Variants in SIK3 observed in about 807,000 individuals in gnomAD.
SIK3 encodes the protein serine/threonine-protein kinase SIK3.
A neutral mutation model predicts 144.2 loss-of-function variants in SIK3; 28 were observed. That is an observed-to-expected ratio of 0.19 (90% CI 0.14 to 0.27). SIK3 has a LOEUF of 0.27. SIK3 is among the 10% of genes least tolerant of loss of function. The pLI is 1.00. For missense variants in SIK3, 1,319 were observed against 1,776.0 expected, an observed-to-expected ratio of 0.74 and a Z score of 4.62; for synonymous variants, 686 against 676.3, an observed-to-expected ratio of 1.01 and a Z score of -0.22.
intron 1 of SIK3, among the ~76,000 whole-genome samples, chr11:117,097,628 G>A (rs1463661220): frequency 3.8e-4 from 58 of 151,988 alleles, no homozygotes; most frequent in Non-Finnish European, 1.5e-5. Context: ...AGGATCCTGG[G>A]ACCTCCCAGC....
chr11:116,847,224 G>A (rs1942043479), intron 23 of SIK3, among the ~76,000 whole-genome samples: 1 of 152,184 alleles, frequency 6.6e-6, no homozygotes, highest in South Asian at 2.1e-4. Context: ...AAAAGTGATT[G>A]AAGGCATATC....
At chr11:116,919,175 A>C (rs932614326) in intron 4 of SIK3, among the ~76,000 whole-genome samples, 2 of 152,328 alleles carry the variant, frequency 1.3e-5, no homozygotes, top group Admixed American at 6.5e-5. Flanking sequence ...GTCAGTCAAC[A>C]CACTGTGGAA....
In SIK3 at chr11:116,898,374, T is replaced by C. The variant is rs542244747; in HGVS notation, c.617-1057A>G. On this transcript the variant is annotated intron_variant, in intron 4 of 24. Transcript: ENST00000445177. ...CACATTTTCTTAATCCAGTCTATCA[T>C]TGTTGGACATTTGGGTTGGTTCCAA... is the stretch of plus-strand genomic sequence containing the variant. Among the ~76,000 whole-genome samples the C allele has an allele frequency of 1.4e-4, 21 of 152,116 alleles. 2 individuals are homozygous for C. Among genetic ancestry groups the C allele is most frequent in the African/African-American group, 4.6e-4 (19 of 41,504 alleles).
At chr11:117,076,726 A>G (rs1954558148) in intron 1 of SIK3, among the ~76,000 whole-genome samples, 1 of 152,112 alleles carries the variant, frequency 6.6e-6, no homozygotes, top group African/African-American at 2.4e-5. Flanking sequence ...TATTTTTAGT[A>G]GAGACGGGGT....
At chr11:116,848,122 G>A (rs933993811) in intron 22 of SIK3, among the ~76,000 whole-genome samples, 1 of 152,146 alleles carries the variant, frequency 6.6e-6, no homozygotes, top group East Asian at 1.9e-4. Flanking sequence ...AGACCATCCT[G>A]GCTAACACGG....
intron 4 of SIK3, among the ~76,000 whole-genome samples, chr11:116,906,207 A>G (rs1479673449): frequency 6.6e-6 from 1 of 152,192 alleles, no homozygotes; most frequent in Non-Finnish European, 1.5e-5. Flanking sequence ...AAAACAATTC[A>G]AAAGATGTTC....
chr11:116,847,521 A>G lies in SIK3; in HGVS notation c.3907T>C (p.Ser1303Pro). The G allele has an allele frequency of 6.2e-7, 1 of 1,614,174 alleles. No individual in the cohort carries two copies. The highest frequency in any genetic ancestry group is 1.7e-5 in the Admixed American group (1 of 60,022). Reference protein sequence around the residue: ...ARMSDAVLSQSSLMGSQQFQD... With the variant: ...ARMSDAVLSQPSLMGSQQFQD... ...AACTGCTGGCTGCCCATGAGCGAAG[A>G]CTGACTGAGAACTGCATCCGACATC... The change falls in exon 23 of 25, where the codon TCT (serine) becomes CCT (proline). Residue 1303 changes from serine to proline, a missense_variant. This residue lies in a region of SIK3 where 646 missense variants were observed against 763.7 expected (regional missense o/e 0.85). Transcript: ENST00000445177.
intron 1 of SIK3, among the ~76,000 whole-genome samples, chr11:116,984,050 CAAAAAA>C (rs35403684): frequency 3.1e-4 from 25 of 80,894 alleles, no homozygotes; most frequent in Admixed American, 9.0e-4. Context: ...GACCCTGACT[CAAAAAA>C]AAAAAAAAAA....
intron 3 of SIK3, among the ~76,000 whole-genome samples, chr11:116,947,637 C>T (rs1279099003): frequency 6.6e-6 from 1 of 150,468 alleles, no homozygotes; most frequent in African/African-American, 2.4e-5. Flanking sequence ...ACGATCTCGG[C>T]TCACTGCAAG....
At chr11:117,096,800 T>C (rs951644943) in intron 1 of SIK3, among the ~76,000 whole-genome samples, 1 of 152,030 alleles carries the variant, frequency 6.6e-6, no homozygotes, top group African/African-American at 2.4e-5. Context: ...AAGGCCTAGA[T>C]AAGTCACTGG....
rs550020231 is a variant in SIK3, at chr11:117,045,317, G to C, written c.273+52826C>G. Among the ~76,000 whole-genome samples the C allele has an allele frequency of 1.4e-4, 21 of 152,270 alleles. 1 individual carries two copies. The highest frequency in any genetic ancestry group is 5.1e-4 in the African/African-American group (21 of 41,540). ...TCCACATCAGTTTGTAGTTATTCTT[G>C]TACTACAAGAGTATCAGTTTCAGAA... is the stretch of plus-strand genomic sequence containing the variant. On this transcript the variant is annotated intron_variant, in intron 1 of 24. Transcript: ENST00000445177.
intron 3 of SIK3, among the ~76,000 whole-genome samples, chr11:116,940,397 T>C (rs985773443): frequency 4.6e-5 from 7 of 151,948 alleles, no homozygotes; most frequent in Non-Finnish European, 7.4e-5. Context: ...GCCCAGCTAA[T>C]TTTTGTATTT....
chr11:117,062,406 G>A (rs1385867871), intron 1 of SIK3, among the ~76,000 whole-genome samples: 1 of 152,022 alleles, frequency 6.6e-6, no homozygotes, highest in Non-Finnish European at 1.5e-5. Context: ...GGGCCACAAC[G>A]TGCATTTCCA....
chr11:116,880,371 G>A (rs1376550848), intron 6 of SIK3, among the ~76,000 whole-genome samples: 1 of 151,208 alleles, frequency 6.6e-6, no homozygotes, highest in Non-Finnish European at 1.5e-5. Flanking sequence ...ACTACTCAAC[G>A]ATGTCCTATG....
intron 6 of SIK3, among the ~76,000 whole-genome samples, chr11:116,891,940 T>C (rs1171229653): frequency 2.0e-5 from 3 of 152,200 alleles, no homozygotes; most frequent in Non-Finnish European, 2.9e-5. Context: ...AGAGGAAACA[T>C]CAAGGCTTGT....
intron 1 of SIK3, among the ~76,000 whole-genome samples, chr11:117,074,953 T>C (rs1954445307): frequency 6.6e-6 from 1 of 150,888 alleles, no homozygotes; most frequent in Non-Finnish European, 1.5e-5. Context: ...ACAACTCAAA[T>C]GAAATATCTA....
intron 1 of SIK3, among the ~76,000 whole-genome samples, chr11:116,986,367 C>T (rs181466094): frequency 6.6e-6 from 1 of 152,254 alleles, no homozygotes; most frequent in Non-Finnish European, 1.5e-5. Flanking sequence ...GATAACTAGT[C>T]ATTATTAGCT....
intron 1 of SIK3, among the ~76,000 whole-genome samples, chr11:116,981,222 CA>C (rs1344336326): frequency 1.3e-5 from 2 of 152,202 alleles, no homozygotes; most frequent in East Asian, 3.8e-4. Flanking sequence ...TCACCCAGGG[CA>C]GCTTGATAGA....
At position 116,849,105 on chromosome 11, in the gene SIK3, G is replaced by T. The variant is rs1942223412; in HGVS notation, c.3819+15C>A. On this transcript the variant is annotated intron_variant, in intron 22 of 24. Transcript: ENST00000445177. This position sits in a 1 kb window ranked among gnomAD's most constrained non-coding sequence, Gnocchi z 4.2. ...GGGAGGATCCACCTCTGTGCAGCAG[G>T]TGGGACCAACATACATAAGCATCGT... 3 of 1,570,976 alleles carry T rather than the reference G, an allele frequency of 1.9e-6. No individual in the cohort carries two copies. The highest frequency in any genetic ancestry group is 1.2e-5 in the South Asian group (1 of 84,216).
Sources: gnomAD v4.1 joint callset for allele counts (sites outside exome capture counted in the v4.1 genomes callset) on GRCh38, gnomAD v4.1.1 for gene constraint, gnomAD v4.1.1 regional missense constraint, Gnocchi (gnomAD v3.1) non-coding constraint, MANE v1.5 for transcripts, NCBI Gene and HGNC (gene_info 2026-07-23, HGNC 2026-07-21) for gene names.